The following TRPM6 variants were observed in gnomAD, a reference collection of about 807,000 sequenced individuals.
TRPM6 encodes the protein channel kinase 2.
TRPM6 carries 111 observed loss-of-function variants against 247.6 expected under a neutral mutation model. The observed-to-expected ratio is 0.45, with a 90% CI of 0.38 to 0.52. The LOEUF (loss-of-function observed/expected upper bound fraction) is 0.52. TRPM6 is among the 20% of genes least tolerant of loss of function. The probability of loss-of-function intolerance (pLI) is 0.00; values close to 1 mark genes in which losing one functional copy is unlikely to be tolerated. For synonymous variants in TRPM6, 892 were observed against 853.8 expected (o/e 1.04, Z -0.78); for missense variants, 2,126 against 2,421.5 (o/e 0.88, Z 2.56).
chr9:74,754,602 A>T (rs1259639082), intron 28 of TRPM6, among the ~76,000 whole-genome samples: 1 of 152,240 alleles, frequency 6.6e-6, no homozygotes, highest in African/African-American at 2.4e-5. Flanking sequence ...GCAGATTTTT[A>T]GAAAAGTCTG....
intron 25 of TRPM6, 143 bp from the exon 26 acceptor site, chr9:74,763,277 G>A (rs536073830): frequency 1.9e-5 from 15 of 787,394 alleles, no homozygotes; most frequent in Non-Finnish European, 2.6e-5. Flanking sequence ...CTTCTTCTTC[G>A]CCCAATACAT....
At chr9:74,811,644 T>C (rs117730747) in intron 12 of TRPM6, among the ~76,000 whole-genome samples, 411 of 152,364 alleles carry the variant, frequency 2.7e-3, no homozygotes, top group Non-Finnish European at 4.5e-3. Context: ...AACTATGTTT[T>C]ACTAGGATAA....
chr9:74,870,609 C>A (rs2118456183), intron 1 of TRPM6, among the ~76,000 whole-genome samples: 1 of 152,256 alleles, frequency 6.6e-6, no homozygotes, highest in South Asian at 2.1e-4. Context: ...CATGAACATT[C>A]CTTTAGCTGC....
At chr9:74,858,386 T>TAAAAAAAA (rs1338085770) in intron 2 of TRPM6, among the ~76,000 whole-genome samples, 21 of 9,326 alleles carry the variant, frequency 2.3e-3, no homozygotes, top group African/African-American at 0.021. Context: ...AGACTTCGTC[T>TAAAAAAAA]CAAAAAAACA....
chr9:74,778,743 G>C (rs1169066202), intron 23 of TRPM6, among the ~76,000 whole-genome samples: 1 of 152,088 alleles, frequency 6.6e-6, no homozygotes, highest in African/African-American at 2.4e-5. Flanking sequence ...ACACCCCTTG[G>C]GCTGCTCTAC....
intron 5 of TRPM6, 124 bp downstream of exon 5, chr9:74,839,899 AG>A: frequency 3.4e-6 from 2 of 596,576 alleles, no homozygotes; most frequent in Non-Finnish European, 5.8e-6. Flanking sequence ...GGAAGGAGGG[AG>A]GGAGGGAGGG....
intron 24 of TRPM6, among the ~76,000 whole-genome samples, chr9:74,774,320 T>C (rs770974429): frequency 2.0e-5 from 3 of 152,194 alleles, no homozygotes; most frequent in Non-Finnish European, 2.9e-5. Context: ...GTGATTCACA[T>C]TCTGCTATTA....
intron 18 of TRPM6, among the ~76,000 whole-genome samples, chr9:74,793,965 C>A (rs1827998452): frequency 6.6e-6 from 1 of 151,542 alleles, no homozygotes; most frequent in South Asian, 2.1e-4. Context: ...AACACCCATG[C>A]AGAATGAGCT....
chr9:74,761,285 T>C (rs2118835892), intron 27 of TRPM6, among the ~76,000 whole-genome samples: 1 of 152,330 alleles, frequency 6.6e-6, no homozygotes, highest in Middle Eastern at 3.4e-3. Flanking sequence ...AATTAAAACA[T>C]ATGTCCACAA....
chr9:74,761,011 C>T (rs1826607753), intron 27 of TRPM6, among the ~76,000 whole-genome samples: 1 of 152,160 alleles, frequency 6.6e-6, no homozygotes, highest in South Asian at 2.1e-4. Flanking sequence ...GATATGTTCC[C>T]TCCACCCTGG....
At chr9:74,847,890 C>G (rs1393787407) in intron 3 of TRPM6, among the ~76,000 whole-genome samples, 1 of 152,142 alleles carries the variant, frequency 6.6e-6, no homozygotes, top group Non-Finnish European at 1.5e-5. Flanking sequence ...TCTCCCTTAC[C>G]TTCAGGGCAT....
At chr9:74,803,372 CA>C (rs139061556) in intron 15 of TRPM6, among the ~76,000 whole-genome samples, 1,632 of 151,770 alleles carry the variant, frequency 0.011, 38 homozygotes, top group African/African-American at 0.038. Flanking sequence ...AAGAAAGCCT[CA>C]AAAAGGAAAA....
intron 5 of TRPM6, among the ~76,000 whole-genome samples, chr9:74,837,509 C>G (rs934225635): frequency 2.6e-5 from 4 of 151,798 alleles, no homozygotes; most frequent in Non-Finnish European, 5.9e-5. Context: ...TGCAGTGGCA[C>G]GATCTCGGCT....
intron 24 of TRPM6, among the ~76,000 whole-genome samples, chr9:74,774,181 C>A (rs934542442): frequency 6.6e-6 from 1 of 152,160 alleles, no homozygotes; most frequent in African/African-American, 2.4e-5. Context: ...AGGGTGAATT[C>A]ATTTTAAACT....
intron 19 of TRPM6, among the ~76,000 whole-genome samples, chr9:74,791,340 AC>A (rs1385791239): frequency 6.6e-6 from 1 of 152,186 alleles, no homozygotes; most frequent in East Asian, 1.9e-4. Flanking sequence ...TGGAAATACA[AC>A]ACATTTAGAT....
In TRPM6 at chr9:74,827,849, C is replaced by T. The variant is rs766619686; in HGVS notation, c.770G>A (p.Gly257Asp). 1 of 1,614,060 alleles carries T rather than the reference C, an allele frequency of 6.2e-7. No homozygotes were observed. Among genetic ancestry groups the T allele is most frequent in the South Asian group, 1.1e-5 (1 of 91,068 alleles). The change falls in exon 7 of 39, where the codon GGC (glycine) becomes GAC (aspartate). Residue 257 changes from glycine to aspartate, a missense_variant. Physicochemically the swap from Gly to Asp is moderately conservative, Grantham distance 94. Transcript: ENST00000360774. The part of the protein sequence containing the change: ...HFILSDDGTV[G>D]KYGNEMKLRR... Reference sequence around the variant, plus strand: ...GAGCTTCATTTCATTTCCATACTTGCCCACGGTCCCATCATCAGACAGGAT... The same window carrying T: ...GAGCTTCATTTCATTTCCATACTTGTCCACGGTCCCATCATCAGACAGGAT...
chr9:74,842,402 C>T, intron 3 of TRPM6, 59 bp from the exon 4 acceptor site: 1 of 1,554,532 alleles, frequency 6.4e-7, no homozygotes, highest in Non-Finnish European at 8.9e-7. Flanking sequence ...TGCAATATGT[C>T]TACCTTTTTC....
chr9:74,780,335 T>G (rs1587497250), intron 23 of TRPM6, among the ~76,000 whole-genome samples: 1 of 151,872 alleles, frequency 6.6e-6, no homozygotes, highest in South Asian at 2.1e-4. Context: ...ACACCTGCAA[T>G]CCCAGCCACT....
intron 20 of TRPM6, among the ~76,000 whole-genome samples, chr9:74,786,419 A>G (rs903942694): frequency 6.6e-6 from 1 of 152,200 alleles, no homozygotes; most frequent in Non-Finnish European, 1.5e-5. Flanking sequence ...CTGAAATAGC[A>G]TGAGAAAACA....
Sources: allele counts gnomAD v4.1 joint callset (sites outside exome capture counted in the v4.1 genomes callset), GRCh38; gene constraint gnomAD v4.1.1; transcripts MANE v1.5; gene names NCBI Gene and HGNC (gene_info 2026-07-23, HGNC 2026-07-21).